Variants in UBA52 observed in about 807,000 individuals in gnomAD.
UBA52 encodes the protein ubiquitin A-52 residue ribosomal protein fusion product 1.
UBA52 carries 1 observed loss-of-function variant against 15.3 expected under a neutral mutation model. The observed-to-expected ratio is 0.07, with a 90% CI of 0.02 to 0.31. The LOEUF is 0.31. Among genes scored for constraint, UBA52 ranks in the 10% least tolerant of loss-of-function variants. The pLI is 1.00. For missense variants in UBA52, 87 were observed against 168.0 expected, an observed-to-expected ratio of 0.52 and a Z score of 2.66; for synonymous variants, 50 against 58.3, an observed-to-expected ratio of 0.86 and a Z score of 0.65.
upstream of UBA52, among the ~76,000 whole-genome samples, chr19:18,569,824 A>T (rs1975418909): frequency 1.3e-5 from 2 of 152,036 alleles, no homozygotes; most frequent in Admixed American, 6.6e-5. Flanking sequence ...ACCTGAGGTC[A>T]GGAGTTCGAG....
At chr19:18,573,825 T>C in intron 3 of UBA52, 77 bp downstream of exon 3, 1 of 1,383,746 alleles carries the variant, frequency 7.2e-7, no homozygotes, top group South Asian at 1.2e-5. Context: ...GCCTCAGGGG[T>C]TGGGGAGCAG....
upstream of UBA52, chr19:18,569,534 T>G (rs1975412156): frequency 6.6e-6 from 1 of 151,908 alleles, no homozygotes; most frequent in African/African-American, 2.4e-5. Context: ...GAACCCCCCC[T>G]GGTGGGAGCT....
chr19:18,565,645 C>T, the UBA52 span, among the ~76,000 whole-genome samples: 1 of 152,130 alleles, frequency 6.6e-6, no homozygotes, highest in Non-Finnish European at 1.5e-5. Flanking sequence ...TTCTGAGTAG[C>T]TGGGTCTACA....
chr19:18,564,731 A>G, the UBA52 span: 8 of 930,292 alleles, frequency 8.6e-6, no homozygotes, highest in African/African-American at 1.3e-4. Flanking sequence ...AAGAGTAGGT[A>G]GAACTCTGCA....
chr19:18,572,374 A>T (rs1206565305), intron 1 of UBA52: 1 of 152,066 alleles, frequency 6.6e-6, no homozygotes, highest in Non-Finnish European at 1.5e-5. Context: ...CTGTCGCCTA[A>T]GCTGGAGTTC....
upstream of UBA52, among the ~76,000 whole-genome samples, chr19:18,571,339 C>G (rs1279934608): frequency 6.7e-6 from 1 of 149,846 alleles, no homozygotes; most frequent in Non-Finnish European, 1.5e-5. Flanking sequence ...AATCCTGAGT[C>G]CCGCTTGACA....
chr19:18,571,467 C>T (rs1975476772), upstream of UBA52, among the ~76,000 whole-genome samples: 1 of 152,172 alleles, frequency 6.6e-6, no homozygotes, highest in Non-Finnish European at 1.5e-5. Context: ...TAACCGATTC[C>T]AGGTGTTAGG....
chr19:18,570,341 C>T (rs139237250), upstream of UBA52, among the ~76,000 whole-genome samples: 3 of 151,726 alleles, frequency 2.0e-5, no homozygotes, highest in Admixed American at 1.3e-4. Context: ...ACTGCAGGTG[C>T]GCACCACCAC....
rs1975784046 is a variant in UBA52, at chr19:18,576,382, T to C, written c.*1232T>C. ...GCAAATCATAAGGTCAAGAGTTTTT[T>C]AGATGGGGTGAGCACAGACCAATTC... is the stretch of plus-strand genomic sequence containing the variant. On this transcript the variant is annotated 3_prime_UTR_variant, in exon 5 of 5. Coordinates refer to ENST00000442744, the MANE Select transcript of UBA52 (RefSeq NM_001033930.3). 6.6e-6 allele frequency: 1 copy of C among 152,298 alleles called. No homozygotes were observed. 9.4% of individuals were successfully genotyped at this position (152,298 alleles called of 1,614,324 possible).
chr19:18,571,176 G>A (rs1381196050), upstream of UBA52, among the ~76,000 whole-genome samples: 1 of 151,828 alleles, frequency 6.6e-6, no homozygotes, highest in East Asian at 2.0e-4. Flanking sequence ...CAGGCATGGT[G>A]TCGCACACTT....
intron 3 of UBA52, among the ~76,000 whole-genome samples, 156 bp from the exon 4 acceptor site, chr19:18,574,714 G>A (rs1975696456): frequency 6.6e-6 from 1 of 152,206 alleles, no homozygotes; most frequent in Admixed American, 6.5e-5. Flanking sequence ...GGCTGGGACA[G>A]TGTATCTTCC....
At chr19:18,569,640 T>G (rs1329989725), upstream of UBA52, among the ~76,000 whole-genome samples, 1 of 151,456 alleles carries the variant, frequency 6.6e-6, no homozygotes, top group Non-Finnish European at 1.5e-5. Flanking sequence ...CATAATTCCT[T>G]CTCCAGATCT....
chr19:18,573,054 G>A (rs1278210291), intron 1 of UBA52: 2 of 1,327,840 alleles, frequency 1.5e-6, no homozygotes, highest in African/African-American at 1.5e-5. Flanking sequence ...CACCCGTGCG[G>A]TCAGGAGGGT....
chr19:18,573,617 T>C (rs755496769), intron 2 of UBA52, 45 bp from the exon 3 acceptor site: 1 of 1,596,878 alleles, frequency 6.3e-7, no homozygotes, highest in African/African-American at 1.3e-5. Context: ...ACACTGCCAG[T>C]AATATGGTCC....
chr19:18,565,164 A>G, the UBA52 span: 19 of 1,440,460 alleles, frequency 1.3e-5, no homozygotes, highest in Non-Finnish European at 1.7e-5. Context: ...GTCTGGGACA[A>G]TTCCAACCCT....
chr19:18,572,212 A>T (rs972292444), intron 1 of UBA52: 2 of 152,410 alleles, frequency 1.3e-5, no homozygotes, highest in African/African-American at 4.8e-5. Flanking sequence ...TCTGCCAGTC[A>T]CTGCGTCAGT....
At position 18,575,219 on chromosome 19, in the gene UBA52, C is replaced by G. The variant is rs1975731395; in HGVS notation, c.*69C>G. 1.3e-6 allele frequency: 2 copies of G among 1,582,200 alleles called. No homozygotes were observed. Among genetic ancestry groups the G allele is most frequent in the Non-Finnish European group, 1.7e-6 (2 of 1,157,112 alleles). On this transcript the variant is annotated 3_prime_UTR_variant, in exon 5 of 5. Coordinates refer to ENST00000442744, the MANE Select transcript of UBA52 (RefSeq NM_001033930.3). ...GGCCCTGGAGCCTCAATAAAGTGTC[C>G]CTTTCATTGACTGGAGCAGCAATTG...
At chr19:18,565,175 G>T in the UBA52 span, 1 of 1,422,082 alleles carries the variant, frequency 7.0e-7, no homozygotes, top group East Asian at 2.5e-5. Flanking sequence ...TTCCAACCCT[G>T]GGATAAAATC....
At chr19:18,565,909 A>G in the UBA52 span, among the ~76,000 whole-genome samples, 7 of 152,168 alleles carry the variant, frequency 4.6e-5, no homozygotes, top group Non-Finnish European at 8.8e-5. Flanking sequence ...GCTAGTCTCA[A>G]ACTCCTGAGC....
Sources: allele counts gnomAD v4.1 joint callset (sites outside exome capture counted in the v4.1 genomes callset), GRCh38; gene constraint gnomAD v4.1.1; transcripts MANE v1.5; gene names NCBI Gene and HGNC (gene_info 2026-07-23, HGNC 2026-07-21).